Variants in MBNL1 observed in about 807,000 individuals in gnomAD.
The protein encoded by MBNL1 is muscleblind like splicing regulator 1, also known as muscleblind-like protein 1.
In MBNL1, 8 loss-of-function variants were observed where a neutral mutation model predicts 42.2. That is an observed-to-expected ratio of 0.19 (90% confidence interval 0.11 to 0.34). MBNL1 has a LOEUF of 0.34. Among genes scored for constraint, MBNL1 ranks in the 10% least tolerant of loss-of-function variants. The pLI is 1.00. For synonymous variants in MBNL1, 169 were observed against 173.9 expected, an observed-to-expected ratio of 0.97 and a Z score of 0.22; for missense variants, 309 against 495.3, an observed-to-expected ratio of 0.62 and a Z score of 3.57.
rs889155679 is a variant in MBNL1, at chr3:152,399,663, C to G, written c.175-15278C>G. Among the ~76,000 whole-genome samples, 5 of 151,986 alleles carry G rather than the reference C, an allele frequency of 3.3e-5. No individual in the cohort carries two copies. The South Asian group carries it at 1.0e-3, about 32-fold the overall frequency. On this transcript the variant is annotated intron_variant, in intron 2 of 9. Coordinates refer to ENST00000324210, the MANE Select transcript of MBNL1 (RefSeq NM_021038.5). Reference sequence around the variant, plus strand: ...CAAAGATGTATGCCACCACACCTGTCTATTTTTTTTCTATATTTTTGTAGA... The same window carrying G: ...CAAAGATGTATGCCACCACACCTGTGTATTTTTTTTCTATATTTTTGTAGA...
intron 2 of MBNL1, among the ~76,000 whole-genome samples, chr3:152,345,086 C>CT (rs961884541): frequency 3.3e-5 from 5 of 149,468 alleles, no homozygotes; most frequent in South Asian, 2.1e-4. Flanking sequence ...CCCTGGGAGA[C>CT]TTTTTTTTTT....
At chr3:152,403,253 A>G (rs1473098314) in intron 2 of MBNL1, among the ~76,000 whole-genome samples, 4 of 152,150 alleles carry the variant, frequency 2.6e-5, no homozygotes, top group African/African-American at 4.8e-5. Context: ...GAGGCCCAAC[A>G]TCTCCATACT....
chr3:152,260,550 T>C (rs990002305), intron 2 of MBNL1, among the ~76,000 whole-genome samples: 7 of 152,224 alleles, frequency 4.6e-5, no homozygotes, highest in African/African-American at 1.2e-4. Context: ...TATGAGTATG[T>C]AACTGGTGAA....
rs376906484 is a variant in MBNL1 at position 152,357,525 on chromosome 3, C to T, written c.174+57158C>T. ...GTTATAGGAGCAGGGAAATCAGCCACGGGTGGGTGTGGGCAGGAATGGTTA... is the reference window on the plus strand; with the variant it reads ...GTTATAGGAGCAGGGAAATCAGCCATGGGTGGGTGTGGGCAGGAATGGTTA... On this transcript the variant is annotated intron_variant, in intron 2 of 9. Transcript: ENST00000324210. Among the ~76,000 whole-genome samples, 202 of 152,126 alleles carry T rather than the reference C, an allele frequency of 1.3e-3. 1 individual carries two copies. The highest frequency in any genetic ancestry group is 2.5e-3 in the Non-Finnish European group (170 of 67,992).
At chr3:152,445,722 A>G (rs138697923) in intron 5 of MBNL1, among the ~76,000 whole-genome samples, 183 bp downstream of exon 5, 8 of 152,328 alleles carry the variant, frequency 5.3e-5, no homozygotes, top group Admixed American at 1.3e-4. Flanking sequence ...AACTCCTCAA[A>G]TGGTTCAGAT....
At chr3:152,446,801 G>A (rs1211670874) in intron 5 of MBNL1, 6 of 1,514,252 alleles carry the variant, frequency 4.0e-6, no homozygotes, top group Non-Finnish European at 5.4e-6. Context: ...TAGCTTTATT[G>A]TAGATACAAG....
chr3:152,430,944 AT>A (rs1345590730), intron 3 of MBNL1, among the ~76,000 whole-genome samples: 1 of 152,258 alleles, frequency 6.6e-6, no homozygotes, highest in African/African-American at 2.4e-5. Flanking sequence ...GTTCAGAGGC[AT>A]AATTATTTTA....
upstream of MBNL1, chr3:152,268,394 T>C: frequency 4.7e-6 from 1 of 211,072 alleles, no homozygotes; most frequent in Admixed American, 5.6e-5. Context: ...AAAAACTGTT[T>C]GGTGCATTTT....
At chr3:152,351,348 G>C (rs1995251) in intron 2 of MBNL1, among the ~76,000 whole-genome samples, 10,842 of 152,212 alleles carry the variant, frequency 0.071, 508 homozygotes, top group Middle Eastern at 0.16. Flanking sequence ...CAAATCCCTT[G>C]ATTAGAATAG....
At chr3:152,306,037 T>G (rs1228304189) in intron 2 of MBNL1, among the ~76,000 whole-genome samples, 1 of 152,230 alleles carries the variant, frequency 6.6e-6, no homozygotes, top group East Asian at 1.9e-4. Flanking sequence ...TCTTCTAATT[T>G]GGTTGACAGG....
chr3:152,389,425 T>C (rs1274411322), intron 2 of MBNL1, among the ~76,000 whole-genome samples: 2 of 152,128 alleles, frequency 1.3e-5, no homozygotes, highest in East Asian at 3.9e-4. Context: ...GATTGGGATA[T>C]GTTCTGAGGA....
intron 6 of MBNL1, among the ~76,000 whole-genome samples, chr3:152,450,516 T>C (rs1179510654): frequency 6.6e-6 from 1 of 152,056 alleles, no homozygotes; most frequent in East Asian, 1.9e-4. Context: ...CAAGAATAAA[T>C]TGGGAGCTGT....
intron 2 of MBNL1, among the ~76,000 whole-genome samples, chr3:152,335,763 G>C (rs1438020336): frequency 1.3e-5 from 2 of 152,048 alleles, no homozygotes; most frequent in Non-Finnish European, 2.9e-5. Context: ...TAATCATAGA[G>C]ATGTAGGTCA....
chr3:152,441,513 T>C (rs1051612324), intron 4 of MBNL1, among the ~76,000 whole-genome samples: 2 of 152,210 alleles, frequency 1.3e-5, no homozygotes, highest in Non-Finnish European at 2.9e-5. Flanking sequence ...GTCTGTCCGC[T>C]ATATTATTGC....
intron 1 of MBNL1, among the ~76,000 whole-genome samples, chr3:152,275,052 T>C (rs1343575981): frequency 6.6e-6 from 1 of 152,226 alleles, no homozygotes; most frequent in Non-Finnish European, 1.5e-5. Context: ...TATCCAATAA[T>C]TTATCAGCAT....
At chr3:152,327,865 G>A (rs2081418877) in intron 2 of MBNL1, among the ~76,000 whole-genome samples, 1 of 151,322 alleles carries the variant, frequency 6.6e-6, no homozygotes, top group South Asian at 2.1e-4. Flanking sequence ...GTCTAAAATA[G>A]TGGCCATAAA....
chr3:152,368,800 AT>A (rs1427250872), intron 2 of MBNL1, among the ~76,000 whole-genome samples: 1 of 152,090 alleles, frequency 6.6e-6, no homozygotes, highest in Non-Finnish European at 1.5e-5. Context: ...TTCACTCATG[AT>A]TTGGTTCTCT....
At chr3:152,285,653 G>T (rs1445148686) in intron 1 of MBNL1, among the ~76,000 whole-genome samples, 1 of 131,158 alleles carries the variant, frequency 7.6e-6, no homozygotes, top group Non-Finnish European at 1.6e-5. Flanking sequence ...TTTTGAGACA[G>T]GGTCTCCCTC....
chr3:152,383,410 G>GT lies in MBNL1; in HGVS notation c.175-31528dup, dbSNP rs1023092570. ...GGTGTTTGTGTCATGCCTCACCACA[G>GT]TTTAAGAGCTGTTTATATGCATTGT... On this transcript the variant is annotated intron_variant, in intron 2 of 9. Coordinates refer to ENST00000324210, the MANE Select transcript of MBNL1 (RefSeq NM_021038.5). Among the ~76,000 whole-genome samples, 51 of 152,128 alleles carry GT rather than the reference G, an allele frequency of 3.4e-4. 1 individual carries two copies. Among genetic ancestry groups the GT allele is most frequent in the African/African-American group, 1.2e-3 (50 of 41,542 alleles).
Sources: gnomAD v4.1 joint callset for allele counts (sites outside exome capture counted in the v4.1 genomes callset) on GRCh38, gnomAD v4.1.1 for gene constraint, MANE v1.5 for transcripts, NCBI Gene and HGNC (gene_info 2026-07-23, HGNC 2026-07-21) for gene names.